Variants in MYOM1 observed in about 807,000 individuals in gnomAD.
MYOM1 encodes myomesin-1.
A neutral mutation model predicts 205.3 loss-of-function variants in MYOM1; 164 were observed. That is an observed-to-expected ratio of 0.80 (90% CI 0.70 to 0.91). The LOEUF (loss-of-function observed/expected upper bound fraction) is 0.91. Among genes scored for constraint, MYOM1 ranks in the 40% least tolerant of loss-of-function variants. MYOM1 has a pLI of 0.00. For synonymous variants in MYOM1, 772 were observed against 789.4 expected, an observed-to-expected ratio of 0.98 and a Z score of 0.37; for missense variants, 2,011 against 2,127.3, an observed-to-expected ratio of 0.95 and a Z score of 1.08.
At chr18:3,187,815 A>G (rs1390725372) in intron 4 of MYOM1, among the ~76,000 whole-genome samples, 178 bp from the exon 5 acceptor site, 1 of 149,804 alleles carries the variant, frequency 6.7e-6, no homozygotes, top group East Asian at 1.9e-4. Flanking sequence ...GTTATTTGAC[A>G]TTTAACATTC....
At chr18:3,112,531 A>T in intron 21 of MYOM1, 119 bp from the exon 22 acceptor site, 1 of 638,766 alleles carries the variant, frequency 1.6e-6, no homozygotes, top group Non-Finnish European at 2.5e-6. Flanking sequence ...CACCAGGGAT[A>T]CAAGACTTGT....
intron 21 of MYOM1, 148 bp downstream of exon 21, chr18:3,116,183 G>A: frequency 1.2e-6 from 1 of 802,076 alleles, no homozygotes; most frequent in Non-Finnish European, 1.9e-6. Flanking sequence ...ACTTCTCCCA[G>A]CCCCAACCTC....
At chr18:3,165,145 C>T (rs1305336570) in intron 9 of MYOM1, among the ~76,000 whole-genome samples, 1 of 152,170 alleles carries the variant, frequency 6.6e-6, no homozygotes, top group Non-Finnish European at 1.5e-5. Flanking sequence ...CAATCTAGAA[C>T]TGATGACTCC....
At chr18:3,182,080 A>G (rs190840498) in intron 5 of MYOM1, among the ~76,000 whole-genome samples, 2 of 152,202 alleles carry the variant, frequency 1.3e-5, no homozygotes, top group African/African-American at 4.8e-5. Flanking sequence ...TTGCTTGAGG[A>G]TCTAGTCCAG....
At chr18:3,194,097 G>C in intron 2 of MYOM1, 139 bp from the exon 3 acceptor site, 1 of 869,424 alleles carries the variant, frequency 1.2e-6, no homozygotes, top group African/African-American at 1.7e-5. Flanking sequence ...CTTATCTTTA[G>C]AATTAAAGTA....
intron 22 of MYOM1, among the ~76,000 whole-genome samples, chr18:3,104,599 CT>C (rs1297615852): frequency 6.6e-6 from 1 of 152,118 alleles, no homozygotes; most frequent in East Asian, 1.9e-4. Context: ...TCTCTAAATG[CT>C]GTAGATAACT....
At chr18:3,089,689 G>A in intron 27 of MYOM1, 93 bp from the exon 28 acceptor site, 1 of 935,454 alleles carries the variant, frequency 1.1e-6, no homozygotes, top group Non-Finnish European at 1.6e-6. Context: ...ATTCATTATT[G>A]TAACACTCAT....
At chr18:3,171,421 T>G (rs1423744447) in intron 8 of MYOM1, among the ~76,000 whole-genome samples, 1 of 152,118 alleles carries the variant, frequency 6.6e-6, no homozygotes, top group Non-Finnish European at 1.5e-5. Flanking sequence ...GGCAAGTAGG[T>G]CCCCTAGAAA....
chr18:3,084,828 T>TTCTCTAAGGA (rs995909865), intron 31 of MYOM1, among the ~76,000 whole-genome samples: 1 of 152,156 alleles, frequency 6.6e-6, no homozygotes, highest in Middle Eastern at 3.2e-3. Flanking sequence ...GGACTATAAA[T>TTCTCTAAGGA]TCTCTAAGGA....
At chr18:3,126,385 T>C (rs545018636) in intron 19 of MYOM1, among the ~76,000 whole-genome samples, 1 of 151,512 alleles carries the variant, frequency 6.6e-6, no homozygotes, top group South Asian at 2.1e-4. Context: ...TTGAGGCTAG[T>C]GGCATATTAA....
the MYOM1 span, among the ~76,000 whole-genome samples, chr18:3,231,707 C>A: frequency 6.6e-6 from 1 of 151,684 alleles, no homozygotes; most frequent in Non-Finnish European, 1.5e-5. Flanking sequence ...CCACGCCCAG[C>A]TAATTTTTGT....
At chr18:3,100,269 T>G in intron 24 of MYOM1, 51 bp downstream of exon 24, 2 of 1,612,436 alleles carry the variant, frequency 1.2e-6, no homozygotes, top group South Asian at 1.1e-5. Context: ...TAAGAATAAC[T>G]GAGAATTCAA....
At chr18:3,225,439 C>G in the MYOM1 span, among the ~76,000 whole-genome samples, 1 of 152,192 alleles carries the variant, frequency 6.6e-6, no homozygotes, top group African/African-American at 2.4e-5. Flanking sequence ...GGTGCACCTG[C>G]CCCTTGAATT....
At chr18:3,168,672 T>G in intron 9 of MYOM1, 145 bp downstream of exon 9, 2 of 692,288 alleles carry the variant, frequency 2.9e-6, no homozygotes, top group South Asian at 4.7e-5. Context: ...GTGTTGCTAC[T>G]TTGCTACACA....
At chr18:3,183,031 T>G (rs576714012) in intron 5 of MYOM1, among the ~76,000 whole-genome samples, 1 of 145,006 alleles carries the variant, frequency 6.9e-6, no homozygotes, top group Non-Finnish European at 1.5e-5. Flanking sequence ...CCGCGTTCCA[T>G]CGATTCTCCT....
At chr18:3,093,837 T>C (rs1334487729) in intron 26 of MYOM1, among the ~76,000 whole-genome samples, 2 of 152,090 alleles carry the variant, frequency 1.3e-5, no homozygotes, top group Admixed American at 6.5e-5. Context: ...CCAGTGTGAG[T>C]AAGATGTGAA....
intron 21 of MYOM1, among the ~76,000 whole-genome samples, chr18:3,113,389 C>T (rs1250686027): frequency 6.6e-6 from 1 of 151,880 alleles, no homozygotes; most frequent in African/African-American, 2.4e-5. Context: ...AGTACAGTGG[C>T]ACAATCTCAG....
intron 25 of MYOM1, among the ~76,000 whole-genome samples, chr18:3,098,908 C>A (rs73936914): frequency 0.012 from 1,875 of 152,270 alleles, 35 homozygotes; most frequent in African/African-American, 0.042. Context: ...GCCCTACAGT[C>A]GTGTCTCATG....
At chr18:3,194,946 C>G (rs191218808) in intron 2 of MYOM1, among the ~76,000 whole-genome samples, 1 of 151,992 alleles carries the variant, frequency 6.6e-6, no homozygotes, top group Non-Finnish European at 1.5e-5. Flanking sequence ...TAAGAGCCCC[C>G]GTCTAGAGAA....
Sources: allele counts gnomAD v4.1 joint callset (sites outside exome capture counted in the v4.1 genomes callset), GRCh38; gene constraint gnomAD v4.1.1; transcripts MANE v1.5; gene names NCBI Gene and HGNC (gene_info 2026-07-23, HGNC 2026-07-21).